The following AKAP12 variants were observed in gnomAD, a reference collection of about 807,000 sequenced individuals.
AKAP12 encodes the protein A-kinase anchoring protein 12.
AKAP12 carries 32 observed loss-of-function variants against 79.9 expected under a neutral mutation model. That is an observed-to-expected ratio of 0.40 (90% CI 0.30 to 0.54). The LOEUF is 0.54. Among genes scored for constraint, AKAP12 ranks in the 20% least tolerant of loss-of-function variants. AKAP12 has a pLI of 0.48. For missense variants in AKAP12, 2,074 were observed against 2,177.0 expected, an observed-to-expected ratio of 0.95 and a Z score of 0.94; for synonymous variants, 808 against 857.0, an observed-to-expected ratio of 0.94 and a Z score of 1.00.
At chr6:151,347,284 C>T (rs1229610032) in intron 3 of AKAP12, among the ~76,000 whole-genome samples, 1 of 152,250 alleles carries the variant, frequency 6.6e-6, no homozygotes. Context: ...GCTCTGGTCC[C>T]TTTTGGGGAC....
intron 2 of AKAP12, among the ~76,000 whole-genome samples, chr6:151,286,673 CTAT>C (rs960011574): frequency 1.3e-5 from 2 of 152,108 alleles, no homozygotes; most frequent in Admixed American, 6.5e-5. Flanking sequence ...TATCCGTTAT[CTAT>C]TATTATTTAT....
In AKAP12 at chr6:151,351,304, G is replaced by C; in HGVS notation, c.2913G>C (p.Leu971Phe). Residue 971 changes from leucine to phenylalanine, a missense_variant, in exon 4 of 5, where the codon TTG becomes TTC. Physicochemically the swap from Leu to Phe is conservative, Grantham distance 22. Around this residue, in one of 3 missense-constraint regions of AKAP12, gnomAD observed 1,428 missense variants for 1,451.0 expected, o/e 0.98. Transcript: ENST00000402676. This position sits in a 1 kb window ranked among gnomAD's most constrained non-coding sequence, Gnocchi z 4.4. ...RGDTVVSEAE[L>F]TPEAVTAAET... ...ACACGGTCGTTAGTGAGGCGGAATTGACCCCCGAAGCTGTGACAGCTGCAG... is the reference window on the plus strand; with the variant it reads ...ACACGGTCGTTAGTGAGGCGGAATTCACCCCCGAAGCTGTGACAGCTGCAG... 1 of 1,614,198 alleles carries C rather than the reference G, an allele frequency of 6.2e-7. No homozygotes were observed. Among genetic ancestry groups the C allele is most frequent in the East Asian group, 2.2e-5 (1 of 44,872 alleles).
intron 2 of AKAP12, among the ~76,000 whole-genome samples, chr6:151,290,127 C>A (rs558505980): frequency 6.6e-5 from 10 of 152,296 alleles, no homozygotes; most frequent in African/African-American, 2.4e-4. Flanking sequence ...GTCATCATTT[C>A]TTTGTGGGAA....
At chr6:151,257,565 G>A (rs1321683223) in intron 2 of AKAP12, among the ~76,000 whole-genome samples, 2 of 152,212 alleles carry the variant, frequency 1.3e-5, no homozygotes, top group Admixed American at 6.5e-5. Context: ...CCAAAATGCT[G>A]AGATTATAGG....
chr6:151,263,319 G>A (rs1013001108), intron 2 of AKAP12, among the ~76,000 whole-genome samples: 1 of 152,140 alleles, frequency 6.6e-6, no homozygotes, highest in Admixed American at 6.5e-5. Context: ...ACAGGCATGA[G>A]TCACCACTTC....
At chr6:151,325,757 T>A in intron 3 of AKAP12, 1 of 1,596,870 alleles carries the variant, frequency 6.3e-7, no homozygotes, top group Admixed American at 1.8e-5. Flanking sequence ...TCCGCTCTGA[T>A]CCCGCCGAAA....
At chr6:151,320,759 G>C (rs1777360178) in intron 3 of AKAP12, among the ~76,000 whole-genome samples, 1 of 152,136 alleles carries the variant, frequency 6.6e-6, no homozygotes, top group Admixed American at 6.5e-5. Flanking sequence ...CTAAATCACA[G>C]TCAAATTCGG....
rs746701360 is a variant in AKAP12, at chr6:151,351,094, G to A, written c.2703G>A (p.Arg901=). 1.5e-5 allele frequency: 24 copies of A among 1,614,000 alleles called. No individual in the cohort carries two copies. The highest frequency in any genetic ancestry group is 1.9e-5 in the Non-Finnish European group (23 of 1,180,028). Residue 901 remains arginine (R), a synonymous_variant, in exon 4 of 5, where the codon AGG becomes AGA. Transcript: ENST00000402676. This position sits in a 1 kb window ranked among gnomAD's most constrained non-coding sequence, Gnocchi z 4.4. ...MMAAAVADGT[R]AATIIEERSP... ...CAGCAGCTGTCGCTGACGGGACGAG[G>A]GCAGCTACCATTATTGAAGAAAGGT...
In AKAP12 at chr6:151,282,036, C is replaced by G. The variant is rs185806084; in HGVS notation, c.163-23711C>G. 7.2e-5 allele frequency among the ~76,000 whole-genome samples: 11 copies of G among 151,800 alleles called. No individual in the cohort carries two copies. In the South Asian group the frequency reaches 8.3e-4, roughly 11 times the overall value. On this transcript the variant is annotated intron_variant, in intron 2 of 4. Coordinates refer to ENST00000402676, the MANE Select transcript of AKAP12 (RefSeq NM_005100.4). The stretch of plus-strand genomic sequence containing the variant: ...CATGCCAGAATGTGTGATGCAGGAG[C>G]GGGCTGTCCTCTTCCCCCTCCTGTT...
chr6:151,338,024 G>A (rs1777860307), intron 3 of AKAP12, among the ~76,000 whole-genome samples: 1 of 152,126 alleles, frequency 6.6e-6, no homozygotes, highest in Admixed American at 6.6e-5. Context: ...GCGATAGAGG[G>A]ACACCTTGTC....
intron 2 of AKAP12, among the ~76,000 whole-genome samples, chr6:151,276,279 T>G (rs778462345): frequency 4.6e-5 from 7 of 152,232 alleles, no homozygotes; most frequent in Non-Finnish European, 1.0e-4. Flanking sequence ...AAAGTTCATT[T>G]TAATAGCAAG....
chr6:151,306,325 A>G (rs1289810782), intron 3 of AKAP12, among the ~76,000 whole-genome samples: 1 of 152,176 alleles, frequency 6.6e-6, no homozygotes, highest in Non-Finnish European at 1.5e-5. Context: ...TGCGTGTTTT[A>G]TAGCTCTTGA....
Position 151,349,865 on chromosome 6 carries a change from C to A in AKAP12, c.1474C>A (p.Pro492Thr). The A allele has an allele frequency of 6.2e-7, 1 of 1,614,136 alleles. No homozygotes were observed. Among genetic ancestry groups the A allele is most frequent in the Non-Finnish European group, 8.5e-7 (1 of 1,180,042 alleles). ...LSPDEKVLSKPPEGVVSEVEM... is the reference protein window; with the variant it reads ...LSPDEKVLSKTPEGVVSEVEM... The stretch of plus-strand genomic sequence containing the variant: ...TCCTGATGAGAAGGTGCTGTCCAAA[C>A]CCCCCGAAGGCGTTGTGAGTGAGGT... The change falls in exon 4 of 5, where the codon CCC becomes ACC. Residue 492 changes from proline (P) to threonine (T), a missense_variant. Coordinates refer to ENST00000402676, the MANE Select transcript of AKAP12 (RefSeq NM_005100.4).
At chr6:151,335,725 G>T (rs950460324) in intron 3 of AKAP12, among the ~76,000 whole-genome samples, 1 of 152,024 alleles carries the variant, frequency 6.6e-6, no homozygotes, top group African/African-American at 2.4e-5. Flanking sequence ...CTCCTGCCTC[G>T]GCCTCCCAAA....
intron 3 of AKAP12, among the ~76,000 whole-genome samples, chr6:151,337,524 A>AAGAAAGAAAG (rs1554331952): frequency 2.3e-5 from 3 of 129,808 alleles, no homozygotes; most frequent in Admixed American, 7.6e-5. Context: ...AAAAAAAAAA[A>AAGAAAGAAAG]AAAGAAAGAA....
chr6:151,328,197 G>A (rs1479341334), intron 3 of AKAP12, among the ~76,000 whole-genome samples: 3 of 151,126 alleles, frequency 2.0e-5, no homozygotes, highest in South Asian at 2.1e-4. Context: ...GTGTGGTGGC[G>A]GGTGCCTGTA....
intron 3 of AKAP12, among the ~76,000 whole-genome samples, chr6:151,313,996 C>A (rs536532032): frequency 6.6e-6 from 1 of 151,790 alleles, no homozygotes; most frequent in Admixed American, 6.6e-5. Flanking sequence ...TTCCGTTATG[C>A]CTTTTTATAA....
At chr6:151,315,565 T>G (rs1253361486) in intron 3 of AKAP12, among the ~76,000 whole-genome samples, 1 of 152,148 alleles carries the variant, frequency 6.6e-6, no homozygotes, top group African/African-American at 2.4e-5. Flanking sequence ...GGAATGAAAA[T>G]CTTTTAGGCA....
chr6:151,348,683 C>CCT, intron 3 of AKAP12, 28 bp from the exon 4 acceptor site: 1 of 223,838 alleles, frequency 4.5e-6, no homozygotes. Flanking sequence ...TCTCTTCTCC[C>CCT]CACCCCCCCG....
Sources: gnomAD v4.1 joint callset for allele counts (sites outside exome capture counted in the v4.1 genomes callset) on GRCh38, gnomAD v4.1.1 for gene constraint, gnomAD v4.1.1 regional missense constraint, Gnocchi (gnomAD v3.1) non-coding constraint, MANE v1.5 for transcripts, NCBI Gene and HGNC (gene_info 2026-07-23, HGNC 2026-07-21) for gene names.